GREB1: variants seen among roughly 807,000 people sequenced by gnomAD.
GREB1 encodes the protein growth regulating estrogen receptor binding 1.
GREB1 carries 106 observed loss-of-function variants against 200.7 expected under a neutral mutation model. That is an observed-to-expected ratio of 0.53 (90% CI 0.45 to 0.62). GREB1 has a LOEUF of 0.62. GREB1 is among the 20% of genes least tolerant of loss of function. The probability of loss-of-function intolerance (pLI) is 0.00; values close to 1 mark genes in which losing one functional copy is unlikely to be tolerated. For missense variants in GREB1, 2,243 were observed against 2,556.8 expected, an observed-to-expected ratio of 0.88 and a Z score of 2.65; for synonymous variants, 1,132 against 1,092.4, an observed-to-expected ratio of 1.04 and a Z score of -0.72.
intron 1 of GREB1, among the ~76,000 whole-genome samples, chr2:11,549,945 G>C (rs1675645774): frequency 6.6e-6 from 1 of 152,238 alleles, no homozygotes; most frequent in Non-Finnish European, 1.5e-5. Context: ...TTGGCCAGCT[G>C]TGGTGGCTTA....
At chr2:11,593,786 A>G (rs1305916320) in intron 11 of GREB1, among the ~76,000 whole-genome samples, 1 of 151,454 alleles carries the variant, frequency 6.6e-6, no homozygotes, top group Admixed American at 6.6e-5. Flanking sequence ...TTAATTTTAA[A>G]AACACCCATT....
intron 1 of GREB1, among the ~76,000 whole-genome samples, chr2:11,541,983 G>A (rs1447870109): frequency 6.6e-6 from 1 of 151,920 alleles, no homozygotes; most frequent in African/African-American, 2.4e-5. Flanking sequence ...AGACTGACCT[G>A]ATAGAATTTT....
intron 26 of GREB1, 147 bp from the exon 27 acceptor site, chr2:11,631,762 G>A (rs1027780160): frequency 3.0e-6 from 2 of 670,122 alleles, no homozygotes; most frequent in Non-Finnish European, 5.3e-6. Flanking sequence ...CCCTTTTACT[G>A]GTAAAAGCAA....
At chr2:11,498,597 C>T (rs562383283) in intron 1 of GREB1, among the ~76,000 whole-genome samples, 12 of 152,216 alleles carry the variant, frequency 7.9e-5, no homozygotes, top group African/African-American at 2.9e-4. Flanking sequence ...GAGGTGGGGA[C>T]GTGGGTCAGG....
intron 1 of GREB1, among the ~76,000 whole-genome samples, chr2:11,540,935 C>CAAAA (rs1674689328): frequency 6.6e-6 from 1 of 152,222 alleles, no homozygotes; most frequent in African/African-American, 2.4e-5. Flanking sequence ...TTGCTTTTTT[C>CAAAA]AAGTCTTGTT....
intron 1 of GREB1, among the ~76,000 whole-genome samples, chr2:11,553,687 G>A (rs1465990653): frequency 6.6e-6 from 1 of 152,050 alleles, no homozygotes; most frequent in Non-Finnish European, 1.5e-5. Context: ...TGTGAAGTAG[G>A]GAGTGTGCCC....
intron 1 of GREB1, among the ~76,000 whole-genome samples, chr2:11,543,525 G>T (rs965940751): frequency 1.3e-5 from 2 of 152,138 alleles, no homozygotes; most frequent in African/African-American, 4.8e-5. Context: ...CTTGCCCAAG[G>T]TCACACAGCT....
intron 30 of GREB1, among the ~76,000 whole-genome samples, chr2:11,637,384 G>C (rs1251466892): frequency 2.0e-5 from 3 of 152,076 alleles, no homozygotes; most frequent in Non-Finnish European, 4.4e-5. Context: ...ACCTTTGGTG[G>C]GGAGCTGGCC....
At chr2:11,496,399 G>A (rs1312637230) in intron 1 of GREB1, among the ~76,000 whole-genome samples, 1 of 152,240 alleles carries the variant, frequency 6.6e-6, no homozygotes, top group Non-Finnish European at 1.5e-5. Flanking sequence ...CTCTGACCTG[G>A]CCCTTGGATG....
At chr2:11,507,224 C>T (rs1410157092) in intron 1 of GREB1, among the ~76,000 whole-genome samples, 1 of 152,078 alleles carries the variant, frequency 6.6e-6, no homozygotes, top group Admixed American at 6.6e-5. Flanking sequence ...GCCTGGCCAA[C>T]GTGGCGAAAC....
chr2:11,621,140 G>A (rs1385529774), intron 23 of GREB1, 133 bp downstream of exon 23: 6 of 648,362 alleles, frequency 9.3e-6, no homozygotes, highest in Non-Finnish European at 1.7e-5. Flanking sequence ...GGACCTTGTA[G>A]GGGGTGCTAT....
At chr2:11,496,525 C>G (rs576996024) in intron 1 of GREB1, among the ~76,000 whole-genome samples, 163 of 151,210 alleles carry the variant, frequency 1.1e-3, no homozygotes, top group African/African-American at 3.8e-3. Context: ...GCCCGCCCCC[C>G]CGTCACATGT....
chr2:11,634,759 C>T (rs1685172455), intron 29 of GREB1, among the ~76,000 whole-genome samples: 1 of 152,164 alleles, frequency 6.6e-6, no homozygotes, highest in African/African-American at 2.4e-5. Context: ...TGGACCACGG[C>T]CTGCGTGAGC....
At chr2:11,561,194 A>G (rs971274333) in intron 2 of GREB1, 7 of 151,934 alleles carry the variant, frequency 4.6e-5, no homozygotes, top group Non-Finnish European at 7.4e-5. Context: ...AGCTTCCTAC[A>G]TTGCTTCTCG....
At chr2:11,637,647 G>A in intron 30 of GREB1, 69 bp from the exon 31 acceptor site, 1 of 1,469,172 alleles carries the variant, frequency 6.8e-7, no homozygotes, top group Non-Finnish European at 9.4e-7. Flanking sequence ...CACCCTTGCA[G>A]CCCGGAAGCC....
intron 2 of GREB1, among the ~76,000 whole-genome samples, chr2:11,560,089 G>A (rs946148789): frequency 1.3e-5 from 2 of 152,182 alleles, no homozygotes; most frequent in African/African-American, 4.8e-5. Flanking sequence ...CAGCTCTGAG[G>A]GCCACGTTTT....
At chr2:11,517,062 G>A (rs1031971986) in intron 1 of GREB1, among the ~76,000 whole-genome samples, 1 of 152,222 alleles carries the variant, frequency 6.6e-6, no homozygotes, top group Non-Finnish European at 1.5e-5. Context: ...TTGCCGCTGT[G>A]TCTGGAAGGT....
chr2:11,486,034 T>G (rs1295517835), intron 1 of GREB1, among the ~76,000 whole-genome samples: 1 of 152,182 alleles, frequency 6.6e-6, no homozygotes, highest in South Asian at 2.1e-4. Context: ...GGAACTTGCT[T>G]TCAATAATCT....
intron 4 of GREB1, among the ~76,000 whole-genome samples, chr2:11,575,005 G>A (rs1316339993): frequency 6.6e-6 from 1 of 152,232 alleles, no homozygotes; most frequent in Admixed American, 6.5e-5. Flanking sequence ...AAGTAGATCA[G>A]GGAGTCCTGT....
Sources: allele counts gnomAD v4.1 joint callset (sites outside exome capture counted in the v4.1 genomes callset), GRCh38; gene constraint gnomAD v4.1.1; transcripts MANE v1.5; gene names NCBI Gene and HGNC (gene_info 2026-07-23, HGNC 2026-07-21).